Variants in TNIP3 observed in about 807,000 individuals in gnomAD.
TNIP3 encodes TNFAIP3-interacting protein 3.
A neutral mutation model predicts 54.1 loss-of-function variants in TNIP3; 34 were observed. That is an observed-to-expected ratio of 0.63 (90% CI 0.48 to 0.84). The LOEUF (loss-of-function observed/expected upper bound fraction) is 0.84. Among genes scored for constraint, TNIP3 ranks in the 40% least tolerant of loss-of-function variants. The probability of loss-of-function intolerance (pLI) is 0.00; values close to 1 mark genes in which losing one functional copy is unlikely to be tolerated. For synonymous variants in TNIP3, 134 were observed against 136.8 expected, an observed-to-expected ratio of 0.98 and a Z score of 0.14; for missense variants, 366 against 387.6, an observed-to-expected ratio of 0.94 and a Z score of 0.47.
At chr4:121,213,567 A>G (rs1726597979) in intron 2 of TNIP3, among the ~76,000 whole-genome samples, 1 of 152,026 alleles carries the variant, frequency 6.6e-6, no homozygotes. Context: ...TCTACTAAAA[A>G]TACAAAAAAA....
chr4:121,157,244 C>G lies in TNIP3; in HGVS notation c.214-1G>C. 1 of 1,614,144 alleles carries G rather than the reference C, an allele frequency of 6.2e-7. No homozygotes were observed. The highest frequency in any genetic ancestry group is 8.5e-7 in the Non-Finnish European group (1 of 1,180,038). ...CCAGTTTCGTCTTCAGCTCTGCTACCTGAGGAGGTCGTTCAAAGACAGCTG... is the reference window on the plus strand; with the variant it reads ...CCAGTTTCGTCTTCAGCTCTGCTACGTGAGGAGGTCGTTCAAAGACAGCTG... On this transcript the variant is annotated splice_acceptor_variant, in intron 3 of 10. Coordinates refer to ENST00000057513, the MANE Select transcript of TNIP3 (RefSeq NM_024873.6). LOFTEE classifies it high-confidence loss of function.
chr4:121,171,906 T>G (rs1254454562), intron 3 of TNIP3, among the ~76,000 whole-genome samples: 2 of 152,114 alleles, frequency 1.3e-5, no homozygotes, highest in Non-Finnish European at 2.9e-5. Context: ...AATTTTTTTG[T>G]ATTTTTAGTA....
At chr4:121,164,558 T>C (rs1014850098), upstream of TNIP3, among the ~76,000 whole-genome samples, 1 of 152,180 alleles carries the variant, frequency 6.6e-6, no homozygotes, top group Non-Finnish European at 1.5e-5. Flanking sequence ...TGTTATAAAT[T>C]CATTGTATTT....
chr4:121,146,336 C>G (rs1259444098), intron 7 of TNIP3, among the ~76,000 whole-genome samples: 1 of 152,148 alleles, frequency 6.6e-6, no homozygotes, highest in African/African-American at 2.4e-5. Flanking sequence ...ACAGCATTCT[C>G]ATAACAATGT....
intron 3 of TNIP3, among the ~76,000 whole-genome samples, chr4:121,172,013 A>T (rs1396730593): frequency 6.6e-6 from 1 of 152,180 alleles, no homozygotes; most frequent in Non-Finnish European, 1.5e-5. Context: ...GATTACAGGC[A>T]TGAGCCACCA....
At chr4:121,151,638 T>G (rs1203239883) in intron 5 of TNIP3, among the ~76,000 whole-genome samples, 1 of 151,888 alleles carries the variant, frequency 6.6e-6, no homozygotes, top group Non-Finnish European at 1.5e-5. Context: ...GAATCTAGGG[T>G]GGGGTGGGCC....
intron 2 of TNIP3, among the ~76,000 whole-genome samples, chr4:121,159,994 CTG>C (rs1730348828): frequency 6.6e-6 from 1 of 152,090 alleles, no homozygotes; most frequent in Admixed American, 6.6e-5. Context: ...TAGTATGAAA[CTG>C]TATAATATTA....
chr4:121,157,118 G>A lies in TNIP3; in HGVS notation c.339C>T (p.Thr113=), dbSNP rs1730153868. ...CCTCCTCCCGCTGCAGCCGGTCCCG[G>A]GTCAGGTCGCGCTGCCTGTCGTCCT... ...QREDDRQRDL[T]RDRLQREEKE... The change falls in exon 4 of 11, where the codon ACC becomes ACT. Residue 113 remains threonine (T), a synonymous_variant. Coordinates refer to ENST00000057513, the MANE Select transcript of TNIP3 (RefSeq NM_024873.6). 1.9e-6 allele frequency: 3 copies of A among 1,614,106 alleles called. No homozygotes were observed. The highest frequency in any genetic ancestry group is 2.7e-5 in the African/African-American group (2 of 75,026).
At position 121,174,768 on chromosome 4, in the gene TNIP3, C is replaced by T. The variant is rs1335309921; in HGVS notation, c.189+7908G>A. ...CATACTTTGTGAGTTATGCCTCACTCTCCCCACAAGTACAAAATAAAGTAA... is the reference window on the plus strand; with the variant it reads ...CATACTTTGTGAGTTATGCCTCACTTTCCCCACAAGTACAAAATAAAGTAA... On this transcript the variant is annotated intron_variant, in intron 3 of 12. Transcript: ENST00000507879. Among the ~76,000 whole-genome samples, 7 of 152,116 alleles carry T rather than the reference C, an allele frequency of 4.6e-5. No homozygotes were observed. The South Asian group carries it at 6.2e-4, about 14-fold the overall frequency.
rs746990743 is a variant in TNIP3 at position 121,138,702 on chromosome 4, A to G, written c.886-18T>C. 6.2e-7 allele frequency: 1 copy of G among 1,608,944 alleles called. No homozygotes were observed. The highest frequency in any genetic ancestry group is 8.5e-7 in the Non-Finnish European group (1 of 1,175,378). On this transcript the variant is annotated intron_variant, in intron 9 of 10. Transcript: ENST00000057513. ...TAGTCTGGCTGTGTGGAACAATACA[A>G]CATTATTATAGCAATATGGACTTCA...
At chr4:121,169,293 G>A (rs1243626846), upstream of TNIP3, among the ~76,000 whole-genome samples, 7 of 152,006 alleles carry the variant, frequency 4.6e-5, no homozygotes, top group Non-Finnish European at 7.4e-5. Context: ...CTCTTGCCTC[G>A]AACTGTCTTT....
At chr4:121,159,560 C>T (rs2148813873) in intron 2 of TNIP3, among the ~76,000 whole-genome samples, 1 of 152,320 alleles carries the variant, frequency 6.6e-6, no homozygotes, top group Non-Finnish European at 1.5e-5. Flanking sequence ...GCCTAGGCTC[C>T]ATTAACTGAT....
intron 9 of TNIP3, among the ~76,000 whole-genome samples, chr4:121,141,093 G>T (rs1729091356): frequency 6.6e-6 from 1 of 152,132 alleles, no homozygotes; most frequent in East Asian, 1.9e-4. Context: ...AAGGGTAGCG[G>T]GATTTGTCTG....
intron 2 of TNIP3, among the ~76,000 whole-genome samples, chr4:121,190,267 C>T (rs1023481876): frequency 6.6e-6 from 1 of 152,138 alleles, no homozygotes; most frequent in African/African-American, 2.4e-5. Context: ...TATTTAGTAT[C>T]CTTTGAATTA....
chr4:121,218,606 C>A (rs893491183), upstream of TNIP3, among the ~76,000 whole-genome samples: 1 of 151,258 alleles, frequency 6.6e-6, no homozygotes, highest in Non-Finnish European at 1.5e-5. Context: ...TCCTCCTTCT[C>A]CCCGTCCCTC....
chr4:121,199,148 T>A (rs942317171), intron 2 of TNIP3, among the ~76,000 whole-genome samples: 2 of 151,818 alleles, frequency 1.3e-5, no homozygotes, highest in African/African-American at 4.8e-5. Flanking sequence ...GGATAGATAA[T>A]TCAAAACAAA....
At position 121,132,501 on chromosome 4, in the gene TNIP3, A is replaced by G; in HGVS notation, c.*130T>C. 1.2e-6 allele frequency: 1 copy of G among 827,984 alleles called. No individual in the cohort carries two copies. The highest frequency in any genetic ancestry group is 1.9e-6 in the Non-Finnish European group (1 of 517,654). The allele number at this position is 827,984 out of a possible 1,614,324, so 51.3% of individuals were successfully genotyped here. A position where few individuals can be genotyped will look rare whatever the true frequency, so the allele number is the denominator to read the frequency against. ...TCCTGTATTCATACCAAAGGAAAACATGACCAGGCACAAATAACAGGGTAG... is the reference window on the plus strand; with the variant it reads ...TCCTGTATTCATACCAAAGGAAAACGTGACCAGGCACAAATAACAGGGTAG... On this transcript the variant is annotated 3_prime_UTR_variant, in exon 11 of 11. Transcript: ENST00000057513.
At chr4:121,148,940 T>C (rs780761241) in intron 6 of TNIP3, among the ~76,000 whole-genome samples, 2 of 152,220 alleles carry the variant, frequency 1.3e-5, no homozygotes, top group Non-Finnish European at 2.9e-5. Context: ...CCATTGCTAA[T>C]ATGTTACTGA....
In TNIP3 at chr4:121,132,566, CAAAGA is replaced by C; in HGVS notation, c.*60_*64del. On this transcript the variant is annotated 3_prime_UTR_variant, in exon 11 of 11. Transcript: ENST00000057513. Reference sequence around the variant, plus strand: ...TGGCAGAAACAAGCCTCAGTATAAACAAAGAAGAGGGTCCTCAGCCACGCTCCCTC... The same window carrying C: ...TGGCAGAAACAAGCCTCAGTATAAACAGAGGGTCCTCAGCCACGCTCCCTC... 6.8e-7 allele frequency: 1 copy of C among 1,479,348 alleles called. No homozygotes were observed. The highest frequency in any genetic ancestry group is 1.2e-5 in the South Asian group (1 of 86,550). 91.6% of individuals were successfully genotyped at this position (1,479,348 alleles called of 1,614,324 possible).
Sources: allele counts gnomAD v4.1 joint callset (sites outside exome capture counted in the v4.1 genomes callset), GRCh38; gene constraint gnomAD v4.1.1; transcripts MANE v1.5; gene names NCBI Gene and HGNC (gene_info 2026-07-23, HGNC 2026-07-21).